NEBL: variants seen among roughly 807,000 people sequenced by gnomAD.
NEBL encodes LIM and SH3 protein 2.
A neutral mutation model predicts 140.2 loss-of-function variants in NEBL; 122 were observed. The ratio of observed to expected loss-of-function variants is 0.87; its 90% CI spans 0.75 to 1.01. NEBL has a LOEUF of 1.01. Among genes scored for constraint, NEBL ranks in the 50% least tolerant of loss-of-function variants. NEBL has a pLI of 0.00. For synonymous variants in NEBL, 436 were observed against 398.9 expected, an observed-to-expected ratio of 1.09 and a Z score of -1.11; for missense variants, 1,365 against 1,231.3, an observed-to-expected ratio of 1.11 and a Z score of -1.62.
chr10:20,949,349 G>A (rs934264177), intron 4 of NEBL, among the ~76,000 whole-genome samples: 6 of 152,248 alleles, frequency 3.9e-5, no homozygotes, highest in African/African-American at 7.2e-5. Context: ...TAATGCATGC[G>A]GGGTTTAAAA....
chr10:20,812,713 G>A, intron 24 of NEBL, 56 bp downstream of exon 24: 1 of 1,601,806 alleles, frequency 6.2e-7, no homozygotes, highest in South Asian at 1.1e-5. Flanking sequence ...TCTGAAGCTA[G>A]AGCAAGCATG....
At chr10:20,915,076 T>A (rs1409310373) in intron 4 of NEBL, among the ~76,000 whole-genome samples, 1 of 150,514 alleles carries the variant, frequency 6.6e-6, no homozygotes, top group Admixed American at 6.7e-5. Context: ...GTGCTGAGAT[T>A]ACAGACATAA....
intron 2 of NEBL, among the ~76,000 whole-genome samples, chr10:21,043,881 A>G (rs1834379239): frequency 1.3e-5 from 2 of 152,200 alleles, no homozygotes; most frequent in Admixed American, 1.3e-4. Context: ...AAAGTTGCCA[A>G]TTCAGGATGA....
At chr10:20,984,643 T>A (rs1047751557) in intron 3 of NEBL, among the ~76,000 whole-genome samples, 1 of 151,994 alleles carries the variant, frequency 6.6e-6, no homozygotes, top group Non-Finnish European at 1.5e-5. Context: ...TCTTCCCCCA[T>A]TCATTCTCTG....
chr10:20,906,824 G>A (rs1337125801), intron 4 of NEBL, among the ~76,000 whole-genome samples: 1 of 152,058 alleles, frequency 6.6e-6, no homozygotes, highest in African/African-American at 2.4e-5. Flanking sequence ...AATCTCTCCA[G>A]TCAACGAACA....
intron 3 of NEBL, among the ~76,000 whole-genome samples, chr10:21,219,349 G>A (rs576122727): frequency 2.6e-5 from 4 of 152,148 alleles, no homozygotes; most frequent in South Asian, 2.1e-4. Context: ...TGTATATTTC[G>A]GAGGCTAAAA....
At chr10:20,967,358 T>C (rs1725600848) in intron 3 of NEBL, among the ~76,000 whole-genome samples, 1 of 152,220 alleles carries the variant, frequency 6.6e-6, no homozygotes, top group African/African-American at 2.4e-5. Flanking sequence ...CTGGGCATGG[T>C]GGCTCACGCC....
intron 4 of NEBL, among the ~76,000 whole-genome samples, chr10:20,930,431 G>A (rs1047542551): frequency 5.3e-5 from 8 of 152,028 alleles, no homozygotes; most frequent in Admixed American, 1.3e-4. Context: ...GTACATTCTT[G>A]CACCATAAAA....
intron 2 of NEBL, among the ~76,000 whole-genome samples, chr10:21,116,519 T>C (rs1838291380): frequency 6.6e-6 from 1 of 152,176 alleles, no homozygotes; most frequent in Admixed American, 6.6e-5. Context: ...CATACGGATT[T>C]GGTAAAGATG....
chr10:20,911,763 A>T (rs1255170656), intron 4 of NEBL, among the ~76,000 whole-genome samples: 2 of 152,236 alleles, frequency 1.3e-5, no homozygotes, highest in East Asian at 3.8e-4. Context: ...CGATATAAAC[A>T]TCATCAGTGG....
intron 23 of NEBL, 141 bp from the exon 24 acceptor site, chr10:20,813,081 T>G: frequency 4.0e-6 from 3 of 742,474 alleles, no homozygotes; most frequent in Non-Finnish European, 6.9e-6. Context: ...ACTCCAAAAC[T>G]AAAGTCTGGA....
rs1842882672 is a variant in NEBL at position 21,273,497 on chromosome 10, C to G, written n.182+19333G>C. Reference sequence around the variant, plus strand: ...TCACAGGGCTGGTAGAACTGACCAGCCTTTGGGCTGAGATCCAATTTGTGA... The same window carrying G: ...TCACAGGGCTGGTAGAACTGACCAGGCTTTGGGCTGAGATCCAATTTGTGA... On this transcript the variant is annotated intron_variant and non_coding_transcript_variant, in intron 1 of 8. Transcript: ENST00000675702. Among the ~76,000 whole-genome samples the G allele has an allele frequency of 2.6e-5, 4 of 152,176 alleles. No individual in the cohort carries two copies. The South Asian group carries it at 8.3e-4, about 31-fold the overall frequency.
rs568945686 is a variant in NEBL, at chr10:20,798,481, G to C, written c.2761+10029C>G. ...GACAGACAGGTAAGTATGCATATCTGTTCAGTCTATGATCCAACTTGGATA... is the reference window on the plus strand; with the variant it reads ...GACAGACAGGTAAGTATGCATATCTCTTCAGTCTATGATCCAACTTGGATA... On this transcript the variant is annotated intron_variant, in intron 26 of 27. Coordinates refer to ENST00000377122, the MANE Select transcript of NEBL (RefSeq NM_006393.3). Among the ~76,000 whole-genome samples, 4 of 152,244 alleles carry C rather than the reference G, an allele frequency of 2.6e-5. No individual in the cohort carries two copies. The East Asian group carries it at 7.7e-4, about 29-fold the overall frequency.
rs727505285 is a variant in NEBL at position 20,812,788 on chromosome 10, C to G, written c.2499G>C (p.Arg833Ser). The change falls in exon 24 of 28, where the codon AGG (arginine) becomes AGC (serine). Residue 833 changes from arginine (R) to serine (S), a missense_variant. Arg to Ser is a moderately radical substitution (Grantham distance 110). Coordinates refer to ENST00000377122, the MANE Select transcript of NEBL (RefSeq NM_006393.3). ...GCTTACCAACAATGATTCCAGGTCT[C>G]CTGTCCATCTCCACGATGTGAGGGT... ...GVHPHIVEMD[R>S]RPGIIVDLKV... is the part of the protein sequence containing the mutation. 6.2e-7 allele frequency: 1 copy of G among 1,613,948 alleles called. No homozygotes were observed. The highest frequency in any genetic ancestry group is 8.5e-7 in the Non-Finnish European group (1 of 1,179,918).
At chr10:21,113,776 A>C (rs1279458130) in intron 2 of NEBL, among the ~76,000 whole-genome samples, 1 of 152,130 alleles carries the variant, frequency 6.6e-6, no homozygotes, top group Non-Finnish European at 1.5e-5. Context: ...TAGTAGTACC[A>C]ATGGTCAGAC....
chr10:21,021,914 C>T (rs147764902), intron 2 of NEBL, among the ~76,000 whole-genome samples: 48 of 152,300 alleles, frequency 3.2e-4, no homozygotes, highest in African/African-American at 9.4e-4. Context: ...AGCAGAACAA[C>T]CACACAAGGA....
intron 2 of NEBL, among the ~76,000 whole-genome samples, chr10:21,136,911 G>A (rs1839381586): frequency 6.6e-6 from 1 of 152,244 alleles, no homozygotes; most frequent in South Asian, 2.1e-4. Flanking sequence ...TCATGGATTG[G>A]TAGAATTAAT....
At chr10:21,052,322 C>T (rs1399387324) in intron 2 of NEBL, among the ~76,000 whole-genome samples, 2 of 152,206 alleles carry the variant, frequency 1.3e-5, no homozygotes, top group South Asian at 2.1e-4. Flanking sequence ...AATGATGACA[C>T]AGGTCAAGTC....
At chr10:21,184,799 A>C (rs977589767) in intron 3 of NEBL, among the ~76,000 whole-genome samples, 3 of 152,218 alleles carry the variant, frequency 2.0e-5, no homozygotes, top group Non-Finnish European at 4.4e-5. Flanking sequence ...TTATAAAAAC[A>C]TTTGTTCGTG....
Sources: allele counts gnomAD v4.1 joint callset (sites outside exome capture counted in the v4.1 genomes callset), GRCh38; gene constraint gnomAD v4.1.1; transcripts MANE v1.5; gene names NCBI Gene and HGNC (gene_info 2026-07-23, HGNC 2026-07-21).